Variants in TET3 observed in about 807,000 individuals in gnomAD.
The protein encoded by TET3 is tet methylcytosine dioxygenase 3, also known as methylcytosine dioxygenase TET3.
TET3 carries 19 observed loss-of-function variants against 141.4 expected under a neutral mutation model. The observed-to-expected ratio is 0.13, with a 90% CI of 0.09 to 0.20. TET3 has a LOEUF of 0.20. Among genes scored for constraint, TET3 ranks in the 10% least tolerant of loss-of-function variants. The probability of loss-of-function intolerance (pLI) is 1.00; values close to 1 mark genes in which losing one functional copy is unlikely to be tolerated. For missense variants in TET3, 1,874 were observed against 2,356.9 expected (o/e 0.80, Z 4.24); for synonymous variants, 1,043 against 980.9 (o/e 1.06, Z -1.18).
At chr2:73,984,252 G>C (rs1404035163), upstream of TET3, among the ~76,000 whole-genome samples, 2 of 152,228 alleles carry the variant, frequency 1.3e-5, no homozygotes, top group African/African-American at 4.8e-5. The surrounding 1 kb of genome is among the most constrained non-coding windows in gnomAD (Gnocchi z 5.6). Flanking sequence ...CGAAAGAATC[G>C]AGCGCGGCGC....
At chr2:74,078,650 T>A (rs935599951) in intron 5 of TET3, among the ~76,000 whole-genome samples, 4 of 152,222 alleles carry the variant, frequency 2.6e-5, no homozygotes, top group Non-Finnish European at 5.9e-5. Context: ...TTTGTATGGT[T>A]ATTTCTGGGG....
At chr2:73,995,358 A>C (rs1684541461) in intron 2 of TET3, among the ~76,000 whole-genome samples, 1 of 152,230 alleles carries the variant, frequency 6.6e-6, no homozygotes, top group Admixed American at 6.5e-5. Context: ...ACCTAGACCT[A>C]ATCTCAGACC....
At chr2:74,109,428 A>G (rs986592614), downstream of TET3, among the ~76,000 whole-genome samples, 5 of 152,236 alleles carry the variant, frequency 3.3e-5, no homozygotes, top group Non-Finnish European at 5.9e-5. Flanking sequence ...CACTTAAACT[A>G]TCTTTATCAG....
chr2:74,074,055 C>G (rs964779471), intron 5 of TET3, among the ~76,000 whole-genome samples: 3 of 152,148 alleles, frequency 2.0e-5, no homozygotes, highest in Non-Finnish European at 4.4e-5. Flanking sequence ...TTTTCCAAAA[C>G]TACCTCATAG....
intron 4 of TET3, among the ~76,000 whole-genome samples, chr2:74,072,910 A>C (rs1052466526): frequency 6.6e-6 from 1 of 152,240 alleles, no homozygotes; most frequent in Non-Finnish European, 1.5e-5. Context: ...TCCTTGTAAT[A>C]GCATGTATCA....
At chr2:74,006,641 CCCATA>C (rs1558704546) in intron 3 of TET3, among the ~76,000 whole-genome samples, 1 of 152,196 alleles carries the variant, frequency 6.6e-6, no homozygotes, top group East Asian at 1.9e-4. Context: ...CAAGTCCCCT[CCCATA>C]CCCCGGAGGC....
rs572396353 is a variant in TET3, at chr2:74,027,375, T to G, written c.361-18903T>G. ...TTTTGAAATTACAGTTTTATTGAGA[T>G]ATAAATCATATACAGTTCACCCATT... On this transcript the variant is annotated intron_variant, in intron 3 of 11. Transcript: ENST00000409262. Among the ~76,000 whole-genome samples, 8 of 151,030 alleles carry G rather than the reference T, an allele frequency of 5.3e-5. No homozygotes were observed. In the East Asian group the frequency reaches 1.6e-3, roughly 29 times the overall value.
chr2:74,049,424 G>C (rs1364986047), intron 4 of TET3, among the ~76,000 whole-genome samples: 2 of 152,104 alleles, frequency 1.3e-5, no homozygotes, highest in Non-Finnish European at 2.9e-5. Flanking sequence ...GTAGGGTGCA[G>C]GGCCACTGAG....
chr2:74,096,335 T>C (rs1200371867), intron 10 of TET3, among the ~76,000 whole-genome samples: 6 of 152,168 alleles, frequency 3.9e-5, no homozygotes, highest in Non-Finnish European at 7.3e-5. Flanking sequence ...GACACCAAAC[T>C]CAGAGTGCCT....
chr2:74,043,912 C>T (rs1300227672), intron 3 of TET3, among the ~76,000 whole-genome samples: 1 of 152,150 alleles, frequency 6.6e-6, no homozygotes, highest in Non-Finnish European at 1.5e-5. Context: ...ATAATCCCAA[C>T]ACTTTAGGAG....
Position 73,986,300 on chromosome 2 carries a change from T to C in TET3, c.-104T>C. 1 of 1,081,228 alleles carries C rather than the reference T, an allele frequency of 9.2e-7. No homozygotes were observed. The highest frequency in any genetic ancestry group is 1.2e-6 in the Non-Finnish European group (1 of 851,340). 67.0% of individuals were successfully genotyped at this position (1,081,228 alleles called of 1,614,324 possible). A position where few individuals can be genotyped will look rare whatever the true frequency, so the allele number is the denominator to read the frequency against. ...GCCACTTGCCTTCACCCTTGTAGACTCTTGACTGTTCTAGGCGAGAAGGAC... is the reference window on the plus strand; with the variant it reads ...GCCACTTGCCTTCACCCTTGTAGACCCTTGACTGTTCTAGGCGAGAAGGAC... On this transcript the variant is annotated 5_prime_UTR_variant, in exon 2 of 12. Transcript: ENST00000409262.
At chr2:74,118,730 T>C in the TET3 span, among the ~76,000 whole-genome samples, 2 of 152,156 alleles carry the variant, frequency 1.3e-5, no homozygotes, top group Non-Finnish European at 2.9e-5. Flanking sequence ...AACATATATA[T>C]AACACATATA....
chr2:74,051,959 A>G (rs1229983886), intron 4 of TET3, among the ~76,000 whole-genome samples: 2 of 152,226 alleles, frequency 1.3e-5, no homozygotes, highest in Non-Finnish European at 1.5e-5. Flanking sequence ...CCTGAGGTTC[A>G]TGTTAGGAAA....
At chr2:74,001,149 G>A (rs1479376614) in intron 2 of TET3, among the ~76,000 whole-genome samples, 1 of 152,138 alleles carries the variant, frequency 6.6e-6, no homozygotes, top group Non-Finnish European at 1.5e-5. Context: ...TGTGTTCCCA[G>A]GGGGAGGCAG....
rs772400180 is a variant in TET3 at position 73,991,805 on chromosome 2, CAA to C, written c.303+5121_303+5122del. 7.9e-3 allele frequency among the ~76,000 whole-genome samples: 627 copies of C among 79,594 alleles called. 4 individuals are homozygous for C. Among genetic ancestry groups the C allele is most frequent in the African/African-American group, 0.024 (509 of 21,284 alleles). 52.2% of individuals were successfully genotyped at this position (79,594 alleles called of 152,430 possible). On this transcript the variant is annotated intron_variant, in intron 2 of 11. Coordinates refer to ENST00000409262, the MANE Select transcript of TET3 (RefSeq NM_001287491.2). ...GGGCAACAAGAGTGAAACTCTGTCT[CAA>C]AAAAAAAAAAAAAAAAAAAAAGAAG...
intron 5 of TET3, among the ~76,000 whole-genome samples, chr2:74,075,305 C>T (rs1183570807): frequency 3.4e-5 from 5 of 148,878 alleles, no homozygotes; most frequent in African/African-American, 1.2e-4. Context: ...TTTGTCTGAC[C>T]ATGAGAGCCA....
At chr2:74,126,973 C>G in the TET3 span, among the ~76,000 whole-genome samples, 1 of 152,142 alleles carries the variant, frequency 6.6e-6, no homozygotes, top group African/African-American at 2.4e-5. Context: ...TGAAATTGGT[C>G]ACATGCATAG....
the TET3 span, chr2:74,120,622 T>G: frequency 6.6e-6 from 1 of 152,422 alleles, no homozygotes; most frequent in African/African-American, 2.4e-5. Flanking sequence ...CGGCGGCCAC[T>G]AGGAGCTCAG....
chr2:73,995,297 GCAT>G (rs1256220020), intron 2 of TET3, among the ~76,000 whole-genome samples: 4 of 152,202 alleles, frequency 2.6e-5, no homozygotes, highest in Non-Finnish European at 1.5e-5. Flanking sequence ...TGCAAGAGAG[GCAT>G]CTATCTTAGA....
Sources: gnomAD v4.1 joint callset for allele counts (sites outside exome capture counted in the v4.1 genomes callset) on GRCh38, gnomAD v4.1.1 for gene constraint, Gnocchi (gnomAD v3.1) non-coding constraint, MANE v1.5 for transcripts, NCBI Gene and HGNC (gene_info 2026-07-23, HGNC 2026-07-21) for gene names.